The following PDS5A variants were observed in gnomAD, a reference collection of about 807,000 sequenced individuals.
The protein encoded by PDS5A is sister chromatid cohesion protein PDS5 homolog A.
In PDS5A, 42 loss-of-function variants were observed where a neutral mutation model predicts 167.1. The ratio of observed to expected loss-of-function variants is 0.25; its 90% confidence interval spans 0.20 to 0.33. The LOEUF (loss-of-function observed/expected upper bound fraction) is 0.33, where lower values mean the gene tolerates loss of function less well. PDS5A is among the 10% of genes least tolerant of loss of function. The pLI is 1.00. For missense variants in PDS5A, 1,033 were observed against 1,605.9 expected, an observed-to-expected ratio of 0.64 and a Z score of 6.10; for synonymous variants, 553 against 554.6, an observed-to-expected ratio of 1.00 and a Z score of 0.04.
At chr4:39,902,667 C>T (rs1020938117) in intron 12 of PDS5A, among the ~76,000 whole-genome samples, 4 of 151,968 alleles carry the variant, frequency 2.6e-5, no homozygotes, top group East Asian at 3.9e-4. Context: ...GGACTACAGG[C>T]GCGTGCCACC....
At chr4:39,967,470 AC>A (rs1385083997) in intron 2 of PDS5A, among the ~76,000 whole-genome samples, 1 of 151,298 alleles carries the variant, frequency 6.6e-6, no homozygotes, top group East Asian at 1.9e-4. Context: ...ACATGGTGAA[AC>A]CCCGTCTCTA....
At position 39,825,310 on chromosome 4, in the gene PDS5A, A is replaced by T; in HGVS notation, c.*175T>A. ...AGTTTCTGCTGTACATTTCCATCAG[A>T]GGACTTGTGGTCATGTGAAAAGGAA... On this transcript the variant is annotated 3_prime_UTR_variant, in exon 33 of 33. Coordinates refer to ENST00000303538, the MANE Select transcript of PDS5A (RefSeq NM_001100399.2). 2 of 470,474 alleles carry T rather than the reference A, an allele frequency of 4.3e-6. No homozygotes were observed. Among genetic ancestry groups the T allele is most frequent in the Non-Finnish European group, 7.6e-6 (2 of 264,572 alleles). The allele number at this position is 470,474 out of a possible 1,614,324, so 29.1% of individuals were successfully genotyped here. A position where few individuals can be genotyped will look rare whatever the true frequency, so the allele number is the denominator to read the frequency against.
chr4:39,934,621 T>C, intron 2 of PDS5A, among the ~76,000 whole-genome samples: 1 of 87,252 alleles, frequency 1.1e-5, no homozygotes, highest in South Asian at 4.9e-4. Context: ...TTTTCTTTTT[T>C]TTTTTTTTTT....
intron 17 of PDS5A, among the ~76,000 whole-genome samples, chr4:39,886,176 G>A (rs1156244077): frequency 6.6e-6 from 1 of 152,130 alleles, no homozygotes; most frequent in Non-Finnish European, 1.5e-5. Context: ...TCCTTTAGAT[G>A]TGTCTAGTTT....
intron 32 of PDS5A, among the ~76,000 whole-genome samples, chr4:39,832,246 C>G (rs1339357158): frequency 6.6e-6 from 1 of 151,374 alleles, no homozygotes; most frequent in African/African-American, 2.4e-5. Flanking sequence ...TGGAGTCTCA[C>G]TCTGTCGCCC....
chr4:39,940,837 T>TAAAC (rs1727158768), intron 2 of PDS5A, among the ~76,000 whole-genome samples: 2 of 152,164 alleles, frequency 1.3e-5, no homozygotes, highest in Non-Finnish European at 2.9e-5. Flanking sequence ...GGTCTTGTTG[T>TAAAC]TTGTTTTTAT....
At chr4:39,921,760 A>G (rs1476973818) in intron 6 of PDS5A, among the ~76,000 whole-genome samples, 4 of 151,990 alleles carry the variant, frequency 2.6e-5, no homozygotes, top group Admixed American at 2.0e-4. Flanking sequence ...CCAAAAAAAT[A>G]CCACCAACCT....
chr4:39,872,065 T>C lies in PDS5A; in HGVS notation c.2436+921A>G, dbSNP rs1720087762. Among the ~76,000 whole-genome samples the C allele has an allele frequency of 2.0e-5, 3 of 152,008 alleles. No individual in the cohort carries two copies. In the South Asian group the frequency reaches 6.2e-4, roughly 31 times the overall value. Reference sequence around the variant, plus strand: ...TCATTTGGGGAGTCTTTTCAATCTATACATTCCAACCCAGAGGTAATAAAT... The same window carrying C: ...TCATTTGGGGAGTCTTTTCAATCTACACATTCCAACCCAGAGGTAATAAAT... On this transcript the variant is annotated intron_variant, in intron 21 of 32. Coordinates refer to ENST00000303538, the MANE Select transcript of PDS5A (RefSeq NM_001100399.2).
At chr4:39,952,619 T>C (rs1244038519) in intron 2 of PDS5A, among the ~76,000 whole-genome samples, 2 of 151,976 alleles carry the variant, frequency 1.3e-5, no homozygotes, top group Admixed American at 6.6e-5. Context: ...AGCTGAAAGA[T>C]AACGCGCTGA....
chr4:39,874,445 T>G, intron 19 of PDS5A, 33 bp from the exon 20 acceptor site: 1 of 1,573,184 alleles, frequency 6.4e-7, no homozygotes, highest in African/African-American at 1.4e-5. Flanking sequence ...TTTTTTTTCT[T>G]AAACCCATAA....
intron 6 of PDS5A, among the ~76,000 whole-genome samples, chr4:39,921,556 C>T (rs898569824): frequency 3.7e-5 from 5 of 136,860 alleles, no homozygotes; most frequent in Middle Eastern, 4.0e-3. Flanking sequence ...GGCAACATAG[C>T]GAAACCCTGT....
At chr4:39,965,938 T>C (rs1729928557) in intron 2 of PDS5A, among the ~76,000 whole-genome samples, 1 of 152,202 alleles carries the variant, frequency 6.6e-6, no homozygotes, top group African/African-American at 2.4e-5. Context: ...TGATAAATTT[T>C]ATGTTATGTA....
chr4:39,912,529 T>A (rs1284683501), intron 9 of PDS5A, among the ~76,000 whole-genome samples: 1 of 152,200 alleles, frequency 6.6e-6, no homozygotes, highest in Non-Finnish European at 1.5e-5. Flanking sequence ...GGCAAGTAAC[T>A]GCTAAGATAG....
chr4:39,927,357 A>G (rs1725565715), intron 3 of PDS5A, among the ~76,000 whole-genome samples: 1 of 152,212 alleles, frequency 6.6e-6, no homozygotes, highest in Non-Finnish European at 1.5e-5. Context: ...GTAGTCTTTC[A>G]TTTCTTAATA....
chr4:39,940,404 T>C (rs915688370), intron 2 of PDS5A, among the ~76,000 whole-genome samples: 9 of 152,180 alleles, frequency 5.9e-5, no homozygotes, highest in African/African-American at 1.9e-4. Context: ...TATTTCTTTA[T>C]ACGTATATTC....
In PDS5A at chr4:39,925,858, T is replaced by C. The variant is rs769560322; in HGVS notation, c.505A>G (p.Arg169Gly). 2.0e-6 allele frequency: 3 copies of C among 1,480,080 alleles called. No individual in the cohort carries two copies. The Admixed American group carries it at 5.5e-5, about 27-fold the overall frequency. 91.7% of individuals were successfully genotyped at this position (1,480,080 alleles called of 1,614,324 possible). A position where few individuals can be genotyped will look rare whatever the true frequency, so the allele number is the denominator to read the frequency against. ...TACTTGATCACTGAGAAGAGAGTTCTAAAAAGCTGAATAAAAATTTCATTG... is the reference window on the plus strand; with the variant it reads ...TACTTGATCACTGAGAAGAGAGTTCCAAAAAGCTGAATAAAAATTTCATTG... Reference protein sequence around the residue: ...DCNEIFIQLFRTLFSVINNSH... With the variant: ...DCNEIFIQLFGTLFSVINNSH... The change falls in exon 5 of 33, where the codon AGA becomes GGA. Residue 169 changes from arginine to glycine, a missense_variant. Coordinates refer to ENST00000303538, the MANE Select transcript of PDS5A (RefSeq NM_001100399.2).
chr4:39,840,788 CTT>C (rs1367227658), intron 31 of PDS5A, among the ~76,000 whole-genome samples: 1 of 151,950 alleles, frequency 6.6e-6, no homozygotes, highest in African/African-American at 2.4e-5. Flanking sequence ...AAGTCTCACT[CTT>C]GTCGCCCAGG....
chr4:39,902,128 C>G (rs1252922976), intron 13 of PDS5A, among the ~76,000 whole-genome samples: 1 of 152,166 alleles, frequency 6.6e-6, no homozygotes, highest in Non-Finnish European at 1.5e-5. Context: ...ATTTGAACAC[C>G]TGAAACCATC....
At chr4:39,944,178 C>CAAAAAAA (rs60344531) in intron 2 of PDS5A, among the ~76,000 whole-genome samples, 3 of 88,242 alleles carry the variant, frequency 3.4e-5, no homozygotes, top group Non-Finnish European at 4.4e-5. Flanking sequence ...GACTCCGTCT[C>CAAAAAAA]AAAAAAAAAA....
Sources: allele counts gnomAD v4.1 joint callset (sites outside exome capture counted in the v4.1 genomes callset), GRCh38; gene constraint gnomAD v4.1.1; transcripts MANE v1.5; gene names NCBI Gene and HGNC (gene_info 2026-07-23, HGNC 2026-07-21).